The following CD8B2 variants were observed in gnomAD, a reference collection of about 807,000 sequenced individuals.
CD8B2 encodes the protein CD8B family member 2, also known as T-cell surface glycoprotein CD8 beta-2 chain.
A neutral mutation model predicts 23.7 loss-of-function variants in CD8B2; 11 were observed. The ratio of observed to expected loss-of-function variants is 0.46; its 90% CI spans 0.29 to 0.77. The LOEUF is 0.77. CD8B2 is among the 30% of genes least tolerant of loss of function. The pLI is 0.09. For missense variants in CD8B2, 197 were observed against 270.5 expected (o/e 0.73, Z 1.91); for synonymous variants, 90 against 109.3 (o/e 0.82, Z 1.10).
At chr2:106,491,681 G>A (rs1020706470) in intron 2 of CD8B2, among the ~76,000 whole-genome samples, 1 of 152,088 alleles carries the variant, frequency 6.6e-6, no homozygotes, top group African/African-American at 2.4e-5. Flanking sequence ...CTGAGTAGCT[G>A]GGATTACAGG....
At chr2:106,533,834 C>T (rs188944488) in intron 5 of CD8B2, among the ~76,000 whole-genome samples, 1 of 152,202 alleles carries the variant, frequency 6.6e-6, no homozygotes, top group Admixed American at 6.5e-5. Context: ...GGGATGTTCC[C>T]CAAAGGAAAG....
At chr2:106,514,514 C>T (rs1158372817), downstream of CD8B2, among the ~76,000 whole-genome samples, 1 of 151,760 alleles carries the variant, frequency 6.6e-6, no homozygotes, top group Non-Finnish European at 1.5e-5. Flanking sequence ...GTCTCGAACT[C>T]CTGACCTCAT....
chr2:106,527,762 CA>C (rs1679927454), intron 5 of CD8B2, among the ~76,000 whole-genome samples: 1 of 151,978 alleles, frequency 6.6e-6, no homozygotes, highest in Non-Finnish European at 1.5e-5. Flanking sequence ...CAGCCTGGGC[CA>C]CAGAGCGAGA....
chr2:106,531,374 A>G (rs1480599167), intron 5 of CD8B2, among the ~76,000 whole-genome samples: 8 of 152,292 alleles, frequency 5.3e-5, no homozygotes, highest in East Asian at 3.9e-4. Flanking sequence ...CAATAATCCA[A>G]TTGCCCCAAA....
chr2:106,535,534 G>A (rs1680072095), intron 5 of CD8B2, among the ~76,000 whole-genome samples: 1 of 152,110 alleles, frequency 6.6e-6, no homozygotes, highest in South Asian at 2.1e-4. Flanking sequence ...AGTAAGGCAA[G>A]TTTATAAAAT....
chr2:106,543,823 G>A (rs961942542), intron 5 of CD8B2, among the ~76,000 whole-genome samples: 1 of 152,152 alleles, frequency 6.6e-6, no homozygotes, highest in African/African-American at 2.4e-5. Context: ...TGTCTTAGTT[G>A]GACAGTTTAT....
intron 5 of CD8B2, among the ~76,000 whole-genome samples, chr2:106,536,461 G>A (rs926403203): frequency 1.3e-5 from 2 of 152,156 alleles, no homozygotes; most frequent in Non-Finnish European, 2.9e-5. Flanking sequence ...GATTAAATTT[G>A]ACATGACATT....
chr2:106,502,547 G>A lies in CD8B2; in HGVS notation c.567G>A (p.Val189=), dbSNP rs1679431405. 1.3e-6 allele frequency: 2 copies of A among 1,573,042 alleles called. No homozygotes were observed. Among genetic ancestry groups the A allele is most frequent in the Admixed American group, 1.8e-5 (1 of 54,758 alleles). ...TGGTTCTGCTGGTTTCCCTGGGAGTGGCCATGCACCTGTGCTGTGAGTTGT... is the reference window on the plus strand; with the variant it reads ...TGGTTCTGCTGGTTTCCCTGGGAGTAGCCATGCACCTGTGCTGTGAGTTGT... ...GVLVLLVSLG[V]AMHLCCRRRR... The change falls in exon 4 of 6, where the codon GTG becomes GTA. Residue 189 remains valine, a synonymous_variant. Transcript: ENST00000643224.
chr2:106,506,165 A>G (rs951382196), intron 5 of CD8B2, among the ~76,000 whole-genome samples: 2 of 152,002 alleles, frequency 1.3e-5, no homozygotes, highest in African/African-American at 2.4e-5. Context: ...TCCGTTCAAA[A>G]TCTCTCCCAT....
intron 5 of CD8B2, among the ~76,000 whole-genome samples, chr2:106,505,682 G>T (rs543435528): frequency 6.6e-6 from 1 of 152,180 alleles, no homozygotes; most frequent in African/African-American, 2.4e-5. Context: ...TATTTATATC[G>T]AGAGTGGCTT....
At chr2:106,505,580 C>T (rs1206718793) in intron 5 of CD8B2, among the ~76,000 whole-genome samples, 5 of 152,132 alleles carry the variant, frequency 3.3e-5, no homozygotes, top group Admixed American at 6.5e-5. Context: ...AGTGCAGCAA[C>T]GGACAAACAA....
intron 5 of CD8B2, among the ~76,000 whole-genome samples, chr2:106,526,471 T>C (rs1679908849): frequency 6.6e-6 from 1 of 152,178 alleles, no homozygotes; most frequent in Admixed American, 6.5e-5. Context: ...ACTGTCTTCA[T>C]AGATTTGCCT....
rs552192485 is a variant in CD8B2, at chr2:106,505,371, G to A, written c.620+1046G>A. On this transcript the variant is annotated intron_variant, in intron 5 of 5. Coordinates refer to ENST00000643224, the MANE Select transcript of CD8B2 (RefSeq NM_001349727.2). Reference sequence around the variant, plus strand: ...GGAGACAGGGCTGGGTTTGAATCCCGTCTGCCAATCACCATGTGACAGCCA... The same window carrying A: ...GGAGACAGGGCTGGGTTTGAATCCCATCTGCCAATCACCATGTGACAGCCA... 1.3e-4 allele frequency among the ~76,000 whole-genome samples: 20 copies of A among 152,230 alleles called. No individual in the cohort carries two copies. The East Asian group carries it at 1.9e-3, about 15-fold the overall frequency.
intron 1 of CD8B2, among the ~76,000 whole-genome samples, chr2:106,489,771 T>C (rs907653194): frequency 6.6e-6 from 1 of 152,244 alleles, no homozygotes; most frequent in South Asian, 2.1e-4. Flanking sequence ...CAGTGTGCTT[T>C]TTTGGACAGC....
At chr2:106,488,212 C>G (rs1435214397) in intron 1 of CD8B2, among the ~76,000 whole-genome samples, 3 of 151,494 alleles carry the variant, frequency 2.0e-5, no homozygotes, top group African/African-American at 4.9e-5. Flanking sequence ...GCCTGCCCGC[C>G]GGGGGTTCTG....
intron 5 of CD8B2, among the ~76,000 whole-genome samples, chr2:106,525,852 A>C (rs1300085580): frequency 6.6e-6 from 1 of 152,254 alleles, no homozygotes; most frequent in East Asian, 1.9e-4. Context: ...CAGGGAGATA[A>C]GATATAAGAG....
intron 5 of CD8B2, among the ~76,000 whole-genome samples, chr2:106,541,784 T>C (rs1680177766): frequency 6.6e-6 from 1 of 152,206 alleles, no homozygotes; most frequent in African/African-American, 2.4e-5. Flanking sequence ...AGGTTGCAGT[T>C]TAAAAAGTTG....
intron 5 of CD8B2, among the ~76,000 whole-genome samples, chr2:106,522,481 T>A (rs1163444237): frequency 6.6e-6 from 1 of 152,156 alleles, no homozygotes. Context: ...CTCTTGTGAG[T>A]TAAAAGTCCA....
chr2:106,522,393 T>A (rs1257897020), intron 5 of CD8B2, among the ~76,000 whole-genome samples: 1 of 152,200 alleles, frequency 6.6e-6, no homozygotes, highest in Admixed American at 6.5e-5. Flanking sequence ...TTTAAATATA[T>A]GTTAAATTTT....
Sources: gnomAD v4.1 joint callset for allele counts (sites outside exome capture counted in the v4.1 genomes callset) on GRCh38, gnomAD v4.1.1 for gene constraint, MANE v1.5 for transcripts, NCBI Gene and HGNC (gene_info 2026-07-23, HGNC 2026-07-21) for gene names.